The following PLCL2 variants were observed in gnomAD, a reference collection of about 807,000 sequenced individuals.
PLCL2 encodes inactive phospholipase C-like protein 2.
In PLCL2, 4 loss-of-function variants were observed where a neutral mutation model predicts 79.6. The ratio of observed to expected loss-of-function variants is 0.05; its 90% CI spans 0.02 to 0.11. The LOEUF is 0.11. Ranked by LOEUF, PLCL2 falls within the 10% of genes least tolerant of loss-of-function variation. The pLI is 1.00. For missense variants in PLCL2, 895 were observed against 1,291.0 expected, an observed-to-expected ratio of 0.69 and a Z score of 4.70; for synonymous variants, 484 against 457.7, an observed-to-expected ratio of 1.06 and a Z score of -0.73.
At chr3:17,017,993 G>C (rs2064405358) in intron 3 of PLCL2, among the ~76,000 whole-genome samples, 1 of 152,110 alleles carries the variant, frequency 6.6e-6, no homozygotes, top group Non-Finnish European at 1.5e-5. Flanking sequence ...TCCTGTGGTG[G>C]GGTGAGCCTG....
At chr3:16,974,905 G>A (rs560220990) in intron 1 of PLCL2, among the ~76,000 whole-genome samples, 1 of 152,190 alleles carries the variant, frequency 6.6e-6, no homozygotes, top group African/African-American at 2.4e-5. Flanking sequence ...ATGTAGAGGG[G>A]AAGGGCTTAA....
chr3:16,895,715 G>A (rs1696463908), intron 1 of PLCL2, among the ~76,000 whole-genome samples: 1 of 152,134 alleles, frequency 6.6e-6, no homozygotes, highest in African/African-American at 2.4e-5. Context: ...CAACTCAAAT[G>A]CCTATCTTAT....
Position 17,009,672 on chromosome 3 carries a change from A to C in PLCL2, c.328-2A>C. On this transcript the variant is annotated splice_acceptor_variant, in intron 1 of 5. Coordinates refer to ENST00000615277, the MANE Select transcript of PLCL2 (RefSeq NM_001144382.2). LOFTEE classifies it high-confidence loss of function. The surrounding 1 kb of genome is among the most constrained non-coding windows in gnomAD (Gnocchi z 4.0). ...TAATATACGGTCTTTTTTTCCTCTC[A>C]GGATGGTACAAAACAGAAGAGGGAA... 6.5e-7 allele frequency: 1 copy of C among 1,540,932 alleles called. No homozygotes were observed. The highest frequency in any genetic ancestry group is 8.9e-7 in the Non-Finnish European group (1 of 1,123,668).
At chr3:17,043,058 A>T (rs2064742022) in intron 4 of PLCL2, 109 bp downstream of exon 4, 1 of 747,804 alleles carries the variant, frequency 1.3e-6, no homozygotes, top group East Asian at 2.6e-5. Flanking sequence ...CAAATAAGAA[A>T]ATTATTTTTC....
chr3:17,020,208 A>G (rs1020466885), intron 3 of PLCL2, among the ~76,000 whole-genome samples: 41 of 152,232 alleles, frequency 2.7e-4, no homozygotes, highest in African/African-American at 9.4e-4. Context: ...CAAGGAGTCA[A>G]CATTCTTCCT....
At chr3:17,073,325 G>A (rs2065078651) in intron 5 of PLCL2, among the ~76,000 whole-genome samples, 1 of 152,172 alleles carries the variant, frequency 6.6e-6, no homozygotes, top group Admixed American at 6.5e-5. Flanking sequence ...TATTAAGTGT[G>A]CAGTAGCTTT....
intron 1 of PLCL2, among the ~76,000 whole-genome samples, chr3:16,947,132 T>A (rs34126040): frequency 0.17 from 26,090 of 150,564 alleles, 2,807 homozygotes; most frequent in Admixed American, 0.23. Context: ...ATTTTATTTT[T>A]TTTTTTTTAG....
chr3:16,965,731 C>T (rs2063800328), intron 1 of PLCL2, among the ~76,000 whole-genome samples: 1 of 152,076 alleles, frequency 6.6e-6, no homozygotes, highest in Non-Finnish European at 1.5e-5. Flanking sequence ...TGAGGAGGTC[C>T]TTCCCATCCC....
At chr3:16,947,127 A>AT (rs200914734) in intron 1 of PLCL2, among the ~76,000 whole-genome samples, 27,427 of 142,340 alleles carry the variant, frequency 0.19, 2,982 homozygotes, top group East Asian at 0.54. Flanking sequence ...GGCTAATTTT[A>AT]TTTTTTTTTT....
Position 17,039,238 on chromosome 3 carries a change from C to T in PLCL2, c.3019-3636C>T, listed in dbSNP as rs559393534. Among the ~76,000 whole-genome samples the T allele has an allele frequency of 1.0e-3, 159 of 152,338 alleles. 1 individual carries two copies. Among genetic ancestry groups the T allele is most frequent in the Non-Finnish European group, 1.8e-3 (120 of 68,026 alleles). On this transcript the variant is annotated intron_variant, in intron 3 of 5. Coordinates refer to ENST00000615277, the MANE Select transcript of PLCL2 (RefSeq NM_001144382.2). ...AGCTGGTGGCCCCATGTTGCCTCTG[C>T]TGCATCCTCAGTGCCATGTGCACTA...
chr3:16,998,779 G>T (rs773271688), intron 1 of PLCL2, among the ~76,000 whole-genome samples: 1 of 152,166 alleles, frequency 6.6e-6, no homozygotes, highest in Non-Finnish European at 1.5e-5. Flanking sequence ...ATGGTCCTAT[G>T]ATTTCACAAT....
intron 1 of PLCL2, among the ~76,000 whole-genome samples, chr3:17,005,663 A>G (rs1575582468): frequency 6.6e-6 from 1 of 152,186 alleles, no homozygotes; most frequent in Non-Finnish European, 1.5e-5. Flanking sequence ...ATCTAAAATC[A>G]TTCCCGGTAT....
At chr3:17,089,558 AAAAC>A in intron 5 of PLCL2, among the ~76,000 whole-genome samples, 171 bp from the exon 6 acceptor site, 1 of 152,346 alleles carries the variant, frequency 6.6e-6, no homozygotes, top group South Asian at 2.1e-4. Context: ...TGAAACTGGG[AAAAC>A]AAACTCACTT....
At chr3:16,967,315 G>A (rs2063817654) in intron 1 of PLCL2, among the ~76,000 whole-genome samples, 1 of 152,014 alleles carries the variant, frequency 6.6e-6, no homozygotes, top group Admixed American at 6.6e-5. Context: ...ATGTAATTCT[G>A]TTGAATTTCT....
intron 1 of PLCL2, among the ~76,000 whole-genome samples, chr3:16,915,338 T>G (rs1575526652): frequency 6.6e-6 from 1 of 152,302 alleles, no homozygotes; most frequent in African/African-American, 2.4e-5. Flanking sequence ...ATTTTTAAGG[T>G]GAGAGATTCT....
At chr3:16,936,056 C>T (rs890293198) in intron 1 of PLCL2, among the ~76,000 whole-genome samples, 2 of 152,130 alleles carry the variant, frequency 1.3e-5, no homozygotes, top group African/African-American at 4.8e-5. Flanking sequence ...CAAAGACAAC[C>T]CATTCTCTTG....
At chr3:17,007,854 A>C (rs527562503) in intron 1 of PLCL2, among the ~76,000 whole-genome samples, 1 of 152,322 alleles carries the variant, frequency 6.6e-6, no homozygotes, top group Non-Finnish European at 1.5e-5. Flanking sequence ...CCTATTTCTT[A>C]TTTATAAATA....
At chr3:17,064,930 A>G (rs1164103808) in intron 4 of PLCL2, among the ~76,000 whole-genome samples, 2 of 147,082 alleles carry the variant, frequency 1.4e-5, no homozygotes, top group South Asian at 4.2e-4. Context: ...CTCTGTCTCA[A>G]AAAAAAAAAA....
chr3:17,089,883 GA>G lies in PLCL2; in HGVS notation c.3360del (p.Ala1121GlnfsTer19). The G allele has an allele frequency of 6.2e-7, 1 of 1,612,728 alleles. No individual in the cohort carries two copies. Among genetic ancestry groups the G allele is most frequent in the Non-Finnish European group, 8.5e-7 (1 of 1,179,600 alleles). ...KPRRSLEVIP[E>X]KANDETGE Reference sequence around the variant, plus strand: ...ACGCCGGAGCTTGGAAGTCATACCCGAAAAAGCAAACGATGAAACTGGAGAA... The same window carrying G: ...ACGCCGGAGCTTGGAAGTCATACCCGAAAAGCAAACGATGAAACTGGAGAA... On this transcript the variant is annotated frameshift_variant, in exon 6 of 6. Transcript: ENST00000615277. LOFTEE classifies it high-confidence loss of function.
Sources: allele counts gnomAD v4.1 joint callset (sites outside exome capture counted in the v4.1 genomes callset), GRCh38; gene constraint gnomAD v4.1.1; non-coding constraint Gnocchi (gnomAD v3.1); transcripts MANE v1.5; gene names NCBI Gene and HGNC (gene_info 2026-07-23, HGNC 2026-07-21).